KCNIP4: variants seen among roughly 807,000 people sequenced by gnomAD.
KCNIP4 encodes the protein potassium voltage-gated channel interacting protein 4.
Under a neutral mutation model 34.0 loss-of-function variants are expected in KCNIP4, and 12 were observed. That is an observed-to-expected ratio of 0.35 (90% CI 0.23 to 0.57). The LOEUF is 0.57. KCNIP4 is among the 20% of genes least tolerant of loss of function. The pLI, the probability that KCNIP4 is intolerant of heterozygous loss-of-function variation, is 0.83. For missense variants in KCNIP4, 238 were observed against 311.7 expected (o/e 0.76, Z 1.78); for synonymous variants, 124 against 102.2 (o/e 1.21, Z -1.29).
chr4:20,732,077 G>A lies in KCNIP4; in HGVS notation c.643-9C>T. ...TTATTTTTGTCCATTTTCTGTTCAG[G>A]AAGAAAACAAAAATTGTATTTAGAC... On this transcript the variant is annotated splice_polypyrimidine_tract_variant and intron_variant, in intron 7 of 8. Transcript: ENST00000382152. The A allele has an allele frequency of 6.4e-7, 1 of 1,559,424 alleles. No homozygotes were observed. The highest frequency in any genetic ancestry group is 8.7e-7 in the Non-Finnish European group (1 of 1,151,166).
At chr4:20,731,750 G>T in intron 8 of KCNIP4, 1 of 985,352 alleles carries the variant, frequency 1.0e-6, no homozygotes, top group South Asian at 4.7e-5. Flanking sequence ...TAAGGAATTT[G>T]GGAATCAACA....
intron 1 of KCNIP4, among the ~76,000 whole-genome samples, chr4:21,808,429 ATTATT>A (rs1404593312): frequency 6.6e-6 from 1 of 152,150 alleles, no homozygotes; most frequent in Non-Finnish European, 1.5e-5. Flanking sequence ...GTAAATATAT[ATTATT>A]TTATGATCAT....
chr4:20,729,527 T>A lies in KCNIP4; in HGVS notation c.*555A>T, dbSNP rs921241678. ...GTTTAAAAATGCCAGATAAAACTAA[T>A]TTCTAACAGAAGGTGGGAAGGCCAT... On this transcript the variant is annotated 3_prime_UTR_variant, in exon 9 of 9. Transcript: ENST00000382152. The A allele has an allele frequency of 7.9e-5, 11 of 139,190 alleles. No homozygotes were observed. Among genetic ancestry groups the A allele is most frequent in the Non-Finnish European group, 9.8e-5 (6 of 61,456 alleles). The allele number at this position is 139,190 out of a possible 1,614,324, so 8.6% of individuals were successfully genotyped here.
At chr4:21,113,154 G>A (rs1001089899) in intron 1 of KCNIP4, among the ~76,000 whole-genome samples, 1 of 152,170 alleles carries the variant, frequency 6.6e-6, no homozygotes, top group Non-Finnish European at 1.5e-5. Flanking sequence ...AGGGAGATGA[G>A]GCTTGATGAC....
At chr4:20,894,322 G>C (rs528666161) in intron 1 of KCNIP4, among the ~76,000 whole-genome samples, 3 of 152,262 alleles carry the variant, frequency 2.0e-5, no homozygotes, top group East Asian at 3.9e-4. Context: ...ATTCTTAATA[G>C]GATTTGGGAT....
At chr4:20,816,880 C>T (rs1249896922) in intron 3 of KCNIP4, among the ~76,000 whole-genome samples, 1 of 152,158 alleles carries the variant, frequency 6.6e-6, no homozygotes, top group Non-Finnish European at 1.5e-5. Flanking sequence ...CTTTTCAAAA[C>T]CGATTTTGTG....
intron 3 of KCNIP4, among the ~76,000 whole-genome samples, chr4:20,777,016 C>A (rs1307668277): frequency 6.6e-6 from 1 of 152,158 alleles, no homozygotes; most frequent in East Asian, 1.9e-4. Context: ...GAAACCTAAT[C>A]TCCATTATGA....
At chr4:21,403,254 T>G (rs1269129921) in intron 1 of KCNIP4, among the ~76,000 whole-genome samples, 2 of 152,232 alleles carry the variant, frequency 1.3e-5, no homozygotes, top group East Asian at 3.8e-4. Context: ...GGGCTGTCCT[T>G]AAATCTCTGT....
intron 1 of KCNIP4, among the ~76,000 whole-genome samples, chr4:21,879,837 A>G (rs534293048): frequency 6.6e-5 from 10 of 152,252 alleles, no homozygotes; most frequent in African/African-American, 2.4e-4. Context: ...GAGGTAATTG[A>G]ATCATGGAGG....
At chr4:21,151,610 A>G (rs905415048) in intron 1 of KCNIP4, among the ~76,000 whole-genome samples, 12 of 151,864 alleles carry the variant, frequency 7.9e-5, no homozygotes, top group African/African-American at 2.9e-4. Context: ...ACCCACCTCC[A>G]TGAGCCCATC....
At chr4:21,911,512 T>A (rs1454597587) in intron 1 of KCNIP4, among the ~76,000 whole-genome samples, 1 of 64,476 alleles carries the variant, frequency 1.6e-5, no homozygotes, top group Non-Finnish European at 5.4e-5. Flanking sequence ...GCTTGACTTT[T>A]TTTTTTTTTT....
intron 1 of KCNIP4, among the ~76,000 whole-genome samples, chr4:21,905,928 G>T (rs1727977859): frequency 6.6e-6 from 1 of 152,096 alleles, no homozygotes; most frequent in African/African-American, 2.4e-5. Context: ...TGTCCCAATA[G>T]ATCCCACTGA....
At chr4:21,335,396 TG>T (rs919148803) in intron 1 of KCNIP4, among the ~76,000 whole-genome samples, 1 of 152,152 alleles carries the variant, frequency 6.6e-6, no homozygotes, top group African/African-American at 2.4e-5. Context: ...TGAAATTTTC[TG>T]GGCATAGCCA....
chr4:20,841,332 G>A (rs910549581), intron 3 of KCNIP4, among the ~76,000 whole-genome samples: 3 of 152,134 alleles, frequency 2.0e-5, no homozygotes, highest in Admixed American at 6.6e-5. Context: ...AGTAAAGAAG[G>A]TGCAGCACCT....
chr4:20,823,408 A>G (rs1717350548), intron 3 of KCNIP4, among the ~76,000 whole-genome samples: 1 of 152,142 alleles, frequency 6.6e-6, no homozygotes. Context: ...TGATCATGTT[A>G]TGGAGTGAAT....
intron 1 of KCNIP4, among the ~76,000 whole-genome samples, chr4:21,553,040 G>C (rs1220391968): frequency 3.9e-5 from 6 of 152,018 alleles, no homozygotes; most frequent in Admixed American, 6.6e-5. Flanking sequence ...TGGGGGTTGA[G>C]GGGGGAGTCT....
intron 1 of KCNIP4, among the ~76,000 whole-genome samples, chr4:21,228,339 TCCC>T (rs1234605399): frequency 6.6e-6 from 1 of 152,164 alleles, no homozygotes; most frequent in Non-Finnish European, 1.5e-5. Flanking sequence ...CATGATTGCT[TCCC>T]CTTCACCTTC....
intron 1 of KCNIP4, among the ~76,000 whole-genome samples, chr4:21,453,894 C>T (rs1404624267): frequency 1.3e-5 from 2 of 152,054 alleles, no homozygotes; most frequent in African/African-American, 2.4e-5. Context: ...AAGCACTGTC[C>T]TGTCACTCAC....
chr4:21,763,984 A>G (rs1465410425), intron 1 of KCNIP4, among the ~76,000 whole-genome samples: 1 of 152,142 alleles, frequency 6.6e-6, no homozygotes, highest in Non-Finnish European at 1.5e-5. Context: ...AGATCACAAG[A>G]AAATTTATGC....
Sources: allele counts gnomAD v4.1 joint callset (sites outside exome capture counted in the v4.1 genomes callset), GRCh38; gene constraint gnomAD v4.1.1; transcripts MANE v1.5; gene names NCBI Gene and HGNC (gene_info 2026-07-23, HGNC 2026-07-21).